GPC5: variants seen among roughly 807,000 people sequenced by gnomAD.
GPC5 encodes the protein glypican 5, also known as glypican-5.
Under a neutral mutation model 53.9 loss-of-function variants are expected in GPC5, and 47 were observed. The observed-to-expected ratio is 0.87, with a 90% CI of 0.69 to 1.11. The LOEUF (loss-of-function observed/expected upper bound fraction) is 1.11. GPC5 is among the 50% of genes most tolerant of loss of function. The pLI is 0.00. For synonymous variants in GPC5, 286 were observed against 263.3 expected (o/e 1.09, Z -0.84); for missense variants, 748 against 713.1 (o/e 1.05, Z -0.56).
intron 7 of GPC5, among the ~76,000 whole-genome samples, chr13:92,298,607 G>A (rs1040930238): frequency 2.6e-5 from 4 of 152,150 alleles, no homozygotes; most frequent in South Asian, 2.1e-4. Flanking sequence ...TCCCCCTGGG[G>A]GTGTGTGTTC....
chr13:92,411,490 C>T (rs1411166224), intron 7 of GPC5, among the ~76,000 whole-genome samples: 1 of 152,016 alleles, frequency 6.6e-6, no homozygotes, highest in Non-Finnish European at 1.5e-5. Context: ...TTCTCTTTTC[C>T]CTTCTGCCAC....
At chr13:92,066,447 G>GA (rs985950674) in intron 6 of GPC5, among the ~76,000 whole-genome samples, 13 of 147,420 alleles carry the variant, frequency 8.8e-5, no homozygotes, top group East Asian at 6.0e-4. Flanking sequence ...AAAAAAAAAA[G>GA]AAAAAAAACA....
intron 2 of GPC5, among the ~76,000 whole-genome samples, chr13:91,467,588 G>C (rs1352238887): frequency 6.6e-6 from 1 of 151,762 alleles, no homozygotes; most frequent in African/African-American, 2.4e-5. Flanking sequence ...TGTCTATGTT[G>C]ATGCTGTTTT....
intron 7 of GPC5, among the ~76,000 whole-genome samples, chr13:92,260,278 G>A (rs990778810): frequency 2.0e-5 from 3 of 152,162 alleles, no homozygotes; most frequent in African/African-American, 7.2e-5. Flanking sequence ...ACCTAATGTG[G>A]ATAAATTTCC....
chr13:92,276,801 A>C (rs992342955), intron 7 of GPC5, among the ~76,000 whole-genome samples: 6 of 152,096 alleles, frequency 3.9e-5, no homozygotes, highest in Non-Finnish European at 8.8e-5. Flanking sequence ...TTTTATTAAC[A>C]TTGCCAAACA....
chr13:92,724,913 A>ACACACACACAG (rs1566386562), intron 7 of GPC5, among the ~76,000 whole-genome samples: 2 of 88,966 alleles, frequency 2.2e-5, no homozygotes, highest in East Asian at 5.3e-4. Flanking sequence ...CACACACACA[A>ACACACACACAG]GAAAGAAAAA....
At chr13:92,243,532 T>C (rs917430244) in intron 7 of GPC5, among the ~76,000 whole-genome samples, 5 of 151,994 alleles carry the variant, frequency 3.3e-5, no homozygotes, top group African/African-American at 9.7e-5. Context: ...ATCTTAAAGG[T>C]TGATATTATA....
chr13:91,770,496 A>T (rs538324030), intron 5 of GPC5, among the ~76,000 whole-genome samples: 51 of 152,174 alleles, frequency 3.4e-4, no homozygotes, highest in African/African-American at 1.2e-3. Flanking sequence ...AAATTATCTC[A>T]TTAGAAAAAA....
At chr13:92,217,531 G>A (rs995052873) in intron 7 of GPC5, among the ~76,000 whole-genome samples, 1 of 152,092 alleles carries the variant, frequency 6.6e-6, no homozygotes, top group Non-Finnish European at 1.5e-5. Context: ...CTTTCTATCT[G>A]CTGATAGTCC....
intron 6 of GPC5, among the ~76,000 whole-genome samples, chr13:92,138,541 TAAAAAA>T (rs1305571921): frequency 1.8e-3 from 93 of 51,038 alleles, no homozygotes; most frequent in Non-Finnish European, 3.6e-3. Flanking sequence ...AAATAAAAAA[TAAAAAA>T]AAATAAAAAT....
At chr13:91,502,357 T>A (rs1248575935) in intron 2 of GPC5, among the ~76,000 whole-genome samples, 4 of 151,290 alleles carry the variant, frequency 2.6e-5, no homozygotes, top group Non-Finnish European at 5.9e-5. Context: ...TAGGTTTTCT[T>A]CTAGGGTTTT....
chr13:91,847,219 CA>C (rs58401616), intron 5 of GPC5, among the ~76,000 whole-genome samples: 1,132 of 86,006 alleles, frequency 0.013, 12 homozygotes, highest in African/African-American at 0.049. Flanking sequence ...GACTCCATCT[CA>C]AAAAAAAAAA....
chr13:92,651,658 T>G (rs1196569701), intron 7 of GPC5, among the ~76,000 whole-genome samples: 1 of 152,152 alleles, frequency 6.6e-6, no homozygotes, highest in African/African-American at 2.4e-5. Context: ...GGGCTTCAGT[T>G]AATAATATAT....
intron 7 of GPC5, among the ~76,000 whole-genome samples, chr13:92,749,890 C>A (rs908837057): frequency 2.0e-5 from 3 of 152,106 alleles, no homozygotes; most frequent in African/African-American, 7.2e-5. Flanking sequence ...AATTAGAGGG[C>A]AAACTTCTCT....
chr13:91,767,324 C>A (rs1450195381), intron 5 of GPC5, among the ~76,000 whole-genome samples: 4 of 152,182 alleles, frequency 2.6e-5, no homozygotes, highest in Admixed American at 2.0e-4. Flanking sequence ...TGAACCCATG[C>A]ACTATATCAG....
chr13:92,495,715 T>G (rs897457601), intron 7 of GPC5, among the ~76,000 whole-genome samples: 3 of 151,980 alleles, frequency 2.0e-5, no homozygotes, highest in African/African-American at 4.8e-5. Context: ...GTTTTTTGTT[T>G]TTGTTGTTGT....
chr13:92,677,671 C>T (rs1034807027), intron 7 of GPC5, among the ~76,000 whole-genome samples: 4 of 152,156 alleles, frequency 2.6e-5, no homozygotes, highest in South Asian at 2.1e-4. Flanking sequence ...TCAGAACAGA[C>T]GTGCAGAGGC....
intron 4 of GPC5, among the ~76,000 whole-genome samples, chr13:91,733,660 A>G (rs567418935): frequency 6.6e-6 from 1 of 152,174 alleles, no homozygotes; most frequent in South Asian, 2.1e-4. Flanking sequence ...AATGCTTGTG[A>G]TTTTTGCACA....
intron 7 of GPC5, among the ~76,000 whole-genome samples, chr13:92,399,534 A>G (rs1387537464): frequency 1.3e-5 from 2 of 152,168 alleles, no homozygotes; most frequent in Admixed American, 6.5e-5. Flanking sequence ...GCCTTAACAC[A>G]CAAACACACA....
Sources: gnomAD v4.1 joint callset for allele counts (sites outside exome capture counted in the v4.1 genomes callset) on GRCh38, gnomAD v4.1.1 for gene constraint, MANE v1.5 for transcripts, NCBI Gene and HGNC (gene_info 2026-07-23, HGNC 2026-07-21) for gene names.